PLAG1: variants seen among roughly 807,000 people sequenced by gnomAD.
PLAG1 encodes PLAG1 zinc finger, also known as zinc finger protein PLAG1.
A neutral mutation model predicts 35.5 loss-of-function variants in PLAG1; 7 were observed. The ratio of observed to expected loss-of-function variants is 0.20; its 90% CI spans 0.11 to 0.37. The LOEUF is 0.37. Among genes scored for constraint, PLAG1 ranks in the 10% least tolerant of loss-of-function variants. PLAG1 has a pLI of 1.00. For missense variants in PLAG1, 454 were observed against 602.8 expected, an observed-to-expected ratio of 0.75 and a Z score of 2.58; for synonymous variants, 229 against 225.4, an observed-to-expected ratio of 1.02 and a Z score of -0.14.
intron 1 of PLAG1, among the ~76,000 whole-genome samples, chr8:56,193,930 G>C (rs1427681123): frequency 1.3e-5 from 2 of 151,938 alleles, no homozygotes; most frequent in Non-Finnish European, 2.9e-5. Context: ...ATGTTAGCCA[G>C]GATGGTCTCG....
At chr8:56,188,700 A>T (rs1465051109) in intron 1 of PLAG1, among the ~76,000 whole-genome samples, 2 of 152,238 alleles carry the variant, frequency 1.3e-5, no homozygotes, top group African/African-American at 4.8e-5. Flanking sequence ...AACATTAGAC[A>T]TGATTTTTTA....
intron 2 of PLAG1, among the ~76,000 whole-genome samples, chr8:56,176,191 A>C (rs1811688639): frequency 6.6e-6 from 1 of 151,934 alleles, no homozygotes; most frequent in Admixed American, 6.6e-5. Context: ...CTGGGATTAC[A>C]GGCATGTACC....
In PLAG1 at chr8:56,165,384, C is replaced by A. The variant is rs577187758; in HGVS notation, c.*859G>T. On this transcript the variant is annotated 3_prime_UTR_variant, in exon 5 of 5. Transcript: ENST00000316981. ...AAATAAATTGCTGGCTGCACTTGAC[C>A]CACCCCTTGGATGTGAAAGGTGGAA... 1 of 219,328 alleles carries A rather than the reference C, an allele frequency of 4.6e-6. No homozygotes were observed. The highest frequency in any genetic ancestry group is 1.9e-4 in the South Asian group (1 of 5,400). The allele number at this position is 219,328 out of a possible 1,614,324, so 13.6% of individuals were successfully genotyped here.
intron 2 of PLAG1, among the ~76,000 whole-genome samples, chr8:56,173,913 T>C (rs1175626074): frequency 1.3e-5 from 2 of 152,140 alleles, no homozygotes; most frequent in African/African-American, 2.4e-5. Context: ...AAATGAGTCA[T>C]ACATCAGAGG....
Position 56,167,613 on chromosome 8 carries a change from G to A in PLAG1, c.243-110C>T. ...GCTAACACAGAATTCCCTTAGTAAT[G>A]GAAACTGTTTAACTTAATATATACC... is the stretch of plus-strand genomic sequence containing the variant. On this transcript the variant is annotated intron_variant, in intron 4 of 4. Coordinates refer to ENST00000316981, the MANE Select transcript of PLAG1 (RefSeq NM_002655.3). This position sits in a 1 kb window ranked among gnomAD's most constrained non-coding sequence, Gnocchi z 5.9. 1 of 694,608 alleles carries A rather than the reference G, an allele frequency of 1.4e-6. No individual in the cohort carries two copies. Among genetic ancestry groups the A allele is most frequent in the Admixed American group, 2.9e-5 (1 of 34,982 alleles). The allele number at this position is 694,608 out of a possible 1,614,324, so 43.0% of individuals were successfully genotyped here.
intron 2 of PLAG1, among the ~76,000 whole-genome samples, chr8:56,173,531 T>C (rs1399321640): frequency 1.3e-5 from 2 of 151,672 alleles, no homozygotes; most frequent in African/African-American, 4.8e-5. Context: ...GCACCAGGAG[T>C]ACTATTCTGA....
At chr8:56,192,123 G>A (rs565780142) in intron 1 of PLAG1, among the ~76,000 whole-genome samples, 1 of 149,276 alleles carries the variant, frequency 6.7e-6, no homozygotes, top group African/African-American at 2.5e-5. Flanking sequence ...GCTGTAAGTG[G>A]CTGTGGCCCA....
At chr8:56,207,492 A>G (rs1002056937) in intron 1 of PLAG1, among the ~76,000 whole-genome samples, 12 of 152,046 alleles carry the variant, frequency 7.9e-5, no homozygotes, top group Non-Finnish European at 1.3e-4. Flanking sequence ...TTTGCTATAA[A>G]TATCTATTTA....
chr8:56,194,378 A>G (rs1392837163), intron 1 of PLAG1, among the ~76,000 whole-genome samples: 1 of 152,030 alleles, frequency 6.6e-6, no homozygotes, highest in East Asian at 1.9e-4. Flanking sequence ...GTAACTATTC[A>G]GCATATGATG....
chr8:56,181,158 G>T (rs981843211), intron 1 of PLAG1, among the ~76,000 whole-genome samples: 2 of 152,216 alleles, frequency 1.3e-5, no homozygotes, highest in Non-Finnish European at 2.9e-5. Context: ...AGACAGTTTG[G>T]TGATTCCTCA....
intron 1 of PLAG1, among the ~76,000 whole-genome samples, chr8:56,198,916 T>C (rs951080963): frequency 4.3e-4 from 66 of 152,330 alleles, no homozygotes; most frequent in African/African-American, 1.5e-3. Flanking sequence ...TTGACCTGTG[T>C]GGCAGGCACT....
chr8:56,184,347 T>C (rs1811955379), intron 1 of PLAG1, among the ~76,000 whole-genome samples: 1 of 152,196 alleles, frequency 6.6e-6, no homozygotes, highest in African/African-American at 2.4e-5. Context: ...CTGCTGAGAA[T>C]GTGAAACAAA....
chr8:56,185,321 T>C (rs1393712251), intron 1 of PLAG1, among the ~76,000 whole-genome samples: 1 of 152,134 alleles, frequency 6.6e-6, no homozygotes, highest in Admixed American at 6.5e-5. Context: ...CATATATATG[T>C]GAAAACTGCA....
At chr8:56,168,845 C>G (rs1387012368) in intron 3 of PLAG1, among the ~76,000 whole-genome samples, 1 of 152,144 alleles carries the variant, frequency 6.6e-6, no homozygotes, top group Non-Finnish European at 1.5e-5. Flanking sequence ...CAGAGATAAG[C>G]AACTGAAAAC....
intron 1 of PLAG1, among the ~76,000 whole-genome samples, chr8:56,185,334 C>A (rs959286770): frequency 2.0e-5 from 3 of 152,152 alleles, no homozygotes; most frequent in Admixed American, 2.0e-4. Context: ...AAACTGCAAG[C>A]ACCCTTCACA....
chr8:56,190,917 G>A (rs920973099), intron 1 of PLAG1, among the ~76,000 whole-genome samples: 4 of 152,186 alleles, frequency 2.6e-5, no homozygotes, highest in Non-Finnish European at 5.9e-5. Context: ...GTGAACTAAA[G>A]GGGTAAGAAC....
chr8:56,208,011 C>T (rs1400286301), intron 1 of PLAG1, among the ~76,000 whole-genome samples: 3 of 152,012 alleles, frequency 2.0e-5, no homozygotes, highest in Non-Finnish European at 4.4e-5. Flanking sequence ...GACAATAAAC[C>T]AGTCATAGTG....
intron 1 of PLAG1, among the ~76,000 whole-genome samples, chr8:56,195,292 T>C (rs1812326206): frequency 6.6e-6 from 1 of 152,166 alleles, no homozygotes; most frequent in African/African-American, 2.4e-5. Flanking sequence ...TTTCTTCCTC[T>C]ATAACTGGGA....
chr8:56,190,470 T>C (rs1162350459), intron 1 of PLAG1, among the ~76,000 whole-genome samples: 2 of 152,178 alleles, frequency 1.3e-5, no homozygotes, highest in African/African-American at 4.8e-5. Flanking sequence ...TTGTGTGACA[T>C]GCAGGTTTTT....
Sources: allele counts gnomAD v4.1 joint callset (sites outside exome capture counted in the v4.1 genomes callset), GRCh38; gene constraint gnomAD v4.1.1; non-coding constraint Gnocchi (gnomAD v3.1); transcripts MANE v1.5; gene names NCBI Gene and HGNC (gene_info 2026-07-23, HGNC 2026-07-21).